Variants in GPC5 observed in about 807,000 individuals in gnomAD.
GPC5 encodes the protein glypican 5.
A neutral mutation model predicts 53.9 loss-of-function variants in GPC5; 47 were observed. That is an observed-to-expected ratio of 0.87 (90% CI 0.69 to 1.11). The LOEUF is 1.11. GPC5 is among the 50% of genes most tolerant of loss of function. The pLI, the probability that GPC5 is intolerant of heterozygous loss-of-function variation, is 0.00. For synonymous variants in GPC5, 286 were observed against 263.3 expected (o/e 1.09, Z -0.84); for missense variants, 748 against 713.1 (o/e 1.05, Z -0.56).
intron 5 of GPC5, 137 bp from the exon 6 acceptor site, chr13:91,907,800 A>T: frequency 2.7e-6 from 2 of 746,984 alleles, no homozygotes; most frequent in Admixed American, 2.9e-5. Context: ...CAGCTGTGCC[A>T]GTTTCTGTTC....
At chr13:92,218,364 C>T (rs761285102) in intron 7 of GPC5, among the ~76,000 whole-genome samples, 3 of 152,138 alleles carry the variant, frequency 2.0e-5, no homozygotes, top group Non-Finnish European at 2.9e-5. Context: ...TTTATTTCTT[C>T]ATTCACTTCC....
chr13:91,736,227 T>G (rs141978366), intron 4 of GPC5, among the ~76,000 whole-genome samples: 1 of 151,330 alleles, frequency 6.6e-6, no homozygotes, highest in Non-Finnish European at 1.5e-5. Context: ...TGTGATAGTA[T>G]GGCAGGAATT....
rs145724535 is a variant in GPC5 at position 92,584,643 on chromosome 13, G to A, written c.1562-281639G>A. ...AAATTTGCATAAGTAACTAGGAGGC[G>A]AATGTTAATCCCCAAGACAATGGGG... On this transcript the variant is annotated intron_variant, in intron 7 of 7. Transcript: ENST00000377067. 5.9e-5 allele frequency among the ~76,000 whole-genome samples: 9 copies of A among 152,240 alleles called. No individual in the cohort carries two copies. The East Asian group carries it at 1.5e-3, about 26-fold the overall frequency.
At chr13:92,334,697 G>A (rs2043310533) in intron 7 of GPC5, among the ~76,000 whole-genome samples, 1 of 152,034 alleles carries the variant, frequency 6.6e-6, no homozygotes, top group Non-Finnish European at 1.5e-5. Flanking sequence ...ACAGGCATTG[G>A]GTAAATATAC....
intron 7 of GPC5, among the ~76,000 whole-genome samples, chr13:92,409,342 G>A (rs372153716): frequency 3.0e-4 from 46 of 151,788 alleles, no homozygotes; most frequent in East Asian, 1.2e-3. Flanking sequence ...TATAGTAGAC[G>A]TAGAATCATA....
chr13:91,435,232 G>A (rs1459033670), intron 1 of GPC5, among the ~76,000 whole-genome samples: 1 of 152,196 alleles, frequency 6.6e-6, no homozygotes, highest in South Asian at 2.1e-4. Flanking sequence ...ATGTTGATAG[G>A]CGTGGTGAGA....
chr13:92,458,670 G>C (rs900438765), intron 7 of GPC5, among the ~76,000 whole-genome samples: 2 of 152,066 alleles, frequency 1.3e-5, no homozygotes, highest in Admixed American at 1.3e-4. Context: ...GGAAGGGAGG[G>C]AGGCAAGAAA....
intron 2 of GPC5, among the ~76,000 whole-genome samples, chr13:91,595,599 C>T (rs1356945327): frequency 6.6e-6 from 1 of 152,000 alleles, no homozygotes; most frequent in East Asian, 1.9e-4. Flanking sequence ...TTCCCATTTT[C>T]TTCTGTATTG....
At position 91,478,822 on chromosome 13, in the gene GPC5, T is replaced by TATAC. The variant is rs1323023652; in HGVS notation, c.325+29901_325+29902insTACA. ...ATATATATATATATATATATATATA[T>TATAC]ACACACACACACATATATATACACA... On this transcript the variant is annotated intron_variant, in intron 2 of 7. Coordinates refer to ENST00000377067, the MANE Select transcript of GPC5 (RefSeq NM_004466.6). 1.0e-3 allele frequency among the ~76,000 whole-genome samples: 93 copies of TATAC among 92,160 alleles called. 2 individuals are homozygous for TATAC. Among genetic ancestry groups the TATAC allele is most frequent in the African/African-American group, 4.3e-3 (83 of 19,354 alleles). The allele number at this position is 92,160 out of a possible 152,430, so 60.5% of individuals were successfully genotyped here.
At chr13:92,507,913 C>G (rs1171452377) in intron 7 of GPC5, among the ~76,000 whole-genome samples, 2 of 151,880 alleles carry the variant, frequency 1.3e-5, no homozygotes, top group Admixed American at 1.3e-4. Flanking sequence ...GGATCTATTG[C>G]TGAAAAGAAA....
At chr13:92,790,234 G>A (rs1038460858) in intron 7 of GPC5, among the ~76,000 whole-genome samples, 2 of 152,058 alleles carry the variant, frequency 1.3e-5, no homozygotes, top group African/African-American at 2.4e-5. Flanking sequence ...GCATCCCTCA[G>A]TCCAATCAAG....
At chr13:92,310,778 T>C (rs1380045872) in intron 7 of GPC5, among the ~76,000 whole-genome samples, 3 of 152,180 alleles carry the variant, frequency 2.0e-5, no homozygotes, top group African/African-American at 7.2e-5. Flanking sequence ...TACAAAGCAT[T>C]GTAAAAACTG....
chr13:91,501,643 C>G (rs1594175394), intron 2 of GPC5, among the ~76,000 whole-genome samples: 1 of 152,278 alleles, frequency 6.6e-6, no homozygotes, highest in African/African-American at 2.4e-5. Context: ...TCCAGTCTAT[C>G]ATTGTTGGAC....
chr13:92,578,228 A>G (rs1883250418), intron 7 of GPC5, among the ~76,000 whole-genome samples: 2 of 152,180 alleles, frequency 1.3e-5, no homozygotes, highest in African/African-American at 4.8e-5. Context: ...AAACCCTTTT[A>G]TGTGTGTTAG....
At chr13:91,430,709 A>G (rs1269383626) in intron 1 of GPC5, among the ~76,000 whole-genome samples, 1 of 152,190 alleles carries the variant, frequency 6.6e-6, no homozygotes, top group Non-Finnish European at 1.5e-5. Flanking sequence ...CTATACTTTT[A>G]GTTTTCTAGA....
At chr13:91,891,770 T>G (rs1022032193) in intron 5 of GPC5, among the ~76,000 whole-genome samples, 14 of 152,148 alleles carry the variant, frequency 9.2e-5, no homozygotes, top group Non-Finnish European at 1.6e-4. Context: ...CAGCTTGACC[T>G]TGATTTGCAG....
intron 7 of GPC5, among the ~76,000 whole-genome samples, chr13:92,639,147 G>C (rs1885508967): frequency 6.6e-6 from 1 of 152,056 alleles, no homozygotes; most frequent in African/African-American, 2.4e-5. Context: ...AGTAATACCA[G>C]TCACAGAATC....
At chr13:92,164,314 G>A (rs1188403270) in intron 7 of GPC5, among the ~76,000 whole-genome samples, 3 of 152,156 alleles carry the variant, frequency 2.0e-5, no homozygotes, top group Admixed American at 6.5e-5. Flanking sequence ...CTATGAGCCT[G>A]TAAAATCAAA....
chr13:91,833,163 G>A (rs1472648938), intron 5 of GPC5, among the ~76,000 whole-genome samples: 14 of 151,888 alleles, frequency 9.2e-5, no homozygotes, highest in Admixed American at 2.6e-4. Context: ...ATAAATTCCT[G>A]GACACATACA....
Sources: gnomAD v4.1 joint callset for allele counts (sites outside exome capture counted in the v4.1 genomes callset) on GRCh38, gnomAD v4.1.1 for gene constraint, MANE v1.5 for transcripts, NCBI Gene and HGNC (gene_info 2026-07-23, HGNC 2026-07-21) for gene names.